Variants in CADPS observed in about 807,000 individuals in gnomAD.
CADPS encodes the protein calcium dependent secretion activator.
Under a neutral mutation model 167.3 loss-of-function variants are expected in CADPS, and 57 were observed. The ratio of observed to expected loss-of-function variants is 0.34; its 90% confidence interval spans 0.28 to 0.42. CADPS has a LOEUF of 0.42. CADPS is among the 20% of genes least tolerant of loss of function. CADPS has a pLI of 1.00. For missense variants in CADPS, 1,414 were observed against 1,738.1 expected (o/e 0.81, Z 3.32); for synonymous variants, 676 against 635.3 (o/e 1.06, Z -0.96).
intron 1 of CADPS, among the ~76,000 whole-genome samples, chr3:62,836,861 G>T (rs1054223354): frequency 1.3e-5 from 2 of 152,000 alleles, no homozygotes; most frequent in Admixed American, 1.3e-4. Flanking sequence ...TTTGATAAAA[G>T]AAAGAATCAG....
chr3:62,537,124 A>G (rs1197775681), intron 11 of CADPS, among the ~76,000 whole-genome samples: 1 of 152,188 alleles, frequency 6.6e-6, no homozygotes, highest in East Asian at 1.9e-4. Flanking sequence ...CCACCCTGCA[A>G]AATTAAAAAT....
In CADPS at chr3:62,403,151, G is replaced by C; in HGVS notation, c.3812C>G (p.Thr1271Ser). Residue 1271 changes from threonine (T) to serine (S), a missense_variant, in exon 29 of 30, where the codon ACC (threonine) becomes AGC (serine). This residue lies in a region of CADPS where 185 missense variants were observed against 251.5 expected (regional missense o/e 0.74). Coordinates refer to ENST00000383710, the MANE Select transcript of CADPS (RefSeq NM_003716.4). ...TAAGTCCATCCGGTCCGTCAACCAGGTGCAGATCACGTTCATGGAGCTGTT... is the reference window on the plus strand; with the variant it reads ...TAAGTCCATCCGGTCCGTCAACCAGCTGCAGATCACGTTCATGGAGCTGTT... ...WYNSSMNVIC[T>S]WLTDRMDLQL... 6.2e-7 allele frequency: 1 copy of C among 1,613,584 alleles called. No homozygotes were observed. The highest frequency in any genetic ancestry group is 1.1e-5 in the South Asian group (1 of 91,034).
intron 1 of CADPS, among the ~76,000 whole-genome samples, chr3:62,835,081 T>C (rs1304862491): frequency 6.6e-6 from 1 of 152,200 alleles, no homozygotes; most frequent in Non-Finnish European, 1.5e-5. Context: ...ATGGAAAATT[T>C]TCTAAATCTT....
chr3:62,496,068 CTTTTCTT>C (rs1262114212), intron 18 of CADPS, among the ~76,000 whole-genome samples: 2 of 145,298 alleles, frequency 1.4e-5, no homozygotes, highest in African/African-American at 5.3e-5. Context: ...TTTTTCTTTT[CTTTTCTT>C]TTTTTTTTTT....
chr3:62,780,139 C>T (rs2091281160), intron 1 of CADPS, among the ~76,000 whole-genome samples: 1 of 152,230 alleles, frequency 6.6e-6, no homozygotes, highest in East Asian at 1.9e-4. Context: ...TCCCAAAATG[C>T]TGGGATTACA....
In CADPS at chr3:62,753,924, C is replaced by G; in HGVS notation, c.556-151G>C. On this transcript the variant is annotated intron_variant, in intron 2 of 29. Transcript: ENST00000383710. This position sits in a 1 kb window ranked among gnomAD's most constrained non-coding sequence, Gnocchi z 4.6. Reference sequence around the variant, plus strand: ...CCTGCCCCACCACCTCCTGGCTGTGCAAACTCAGAGTAGTCTCTTACACAT... The same window carrying G: ...CCTGCCCCACCACCTCCTGGCTGTGGAAACTCAGAGTAGTCTCTTACACAT... The G allele has an allele frequency of 3.0e-6, 2 of 668,970 alleles. No individual in the cohort carries two copies. Among genetic ancestry groups the G allele is most frequent in the Non-Finnish European group, 5.1e-6 (2 of 389,492 alleles). The allele number at this position is 668,970 out of a possible 1,614,324, so 41.4% of individuals were successfully genotyped here.
intron 1 of CADPS, among the ~76,000 whole-genome samples, chr3:62,863,751 A>G (rs1246004223): frequency 6.6e-6 from 1 of 152,244 alleles, no homozygotes; most frequent in African/African-American, 2.4e-5. Context: ...AATGGTATCA[A>G]ACAACTTGCA....
chr3:62,685,387 TTGG>T (rs1277901034), intron 3 of CADPS, among the ~76,000 whole-genome samples: 2 of 151,844 alleles, frequency 1.3e-5, no homozygotes, highest in African/African-American at 4.8e-5. Flanking sequence ...ATGGAAGTGT[TTGG>T]TGAAGTATAA....
chr3:62,740,768 A>G (rs373740499), intron 3 of CADPS, among the ~76,000 whole-genome samples: 12 of 152,290 alleles, frequency 7.9e-5, no homozygotes, highest in African/African-American at 2.6e-4. Flanking sequence ...CTGAGTTCCT[A>G]TCATGTGATG....
chr3:62,725,748 T>A (rs994400882), intron 3 of CADPS, among the ~76,000 whole-genome samples: 1 of 151,900 alleles, frequency 6.6e-6, no homozygotes, highest in African/African-American at 2.4e-5. Context: ...AAAAATATGT[T>A]AGGTCTTGCT....
At chr3:62,531,478 T>C (rs1483557277) in intron 13 of CADPS, among the ~76,000 whole-genome samples, 1 of 152,204 alleles carries the variant, frequency 6.6e-6, no homozygotes, top group Non-Finnish European at 1.5e-5. Context: ...GCTCTAAATG[T>C]TGAAGTTGCA....
chr3:62,829,387 C>CCACA (rs1211694501), intron 1 of CADPS, among the ~76,000 whole-genome samples: 1 of 152,066 alleles, frequency 6.6e-6, no homozygotes, highest in Non-Finnish European at 1.5e-5. Context: ...CATGCAAATA[C>CCACA]TATGCCATTT....
intron 1 of CADPS, among the ~76,000 whole-genome samples, chr3:62,855,193 C>A (rs1329408440): frequency 1.3e-5 from 2 of 150,002 alleles, no homozygotes; most frequent in Non-Finnish European, 3.0e-5. Context: ...AATCTGCCCA[C>A]TTCGGCCTCC....
chr3:62,479,220 G>T (rs1006290562), intron 22 of CADPS, among the ~76,000 whole-genome samples: 1 of 152,248 alleles, frequency 6.6e-6, no homozygotes, highest in Non-Finnish European at 1.5e-5. Flanking sequence ...CTTTCTATAC[G>T]ATGACGTCTA....
chr3:62,806,361 TAAAAAA>T (rs11328861), intron 1 of CADPS, among the ~76,000 whole-genome samples: 1 of 138,028 alleles, frequency 7.2e-6, no homozygotes, highest in African/African-American at 2.7e-5. Flanking sequence ...CGTCTTTAGT[TAAAAAA>T]AAAAAAAAAA....
At chr3:62,644,445 C>G (rs192823325) in intron 6 of CADPS, among the ~76,000 whole-genome samples, 1 of 152,076 alleles carries the variant, frequency 6.6e-6, no homozygotes, top group Non-Finnish European at 1.5e-5. Flanking sequence ...TCCTGTGGAC[C>G]GCTGAAACAG....
intron 1 of CADPS, among the ~76,000 whole-genome samples, chr3:62,856,314 A>C (rs76724521): frequency 7.9e-5 from 12 of 152,138 alleles, no homozygotes; most frequent in Non-Finnish European, 1.2e-4. Context: ...GTATGTTGAA[A>C]ACTACAAAAA....
At chr3:62,748,300 T>C (rs520117) in intron 3 of CADPS, among the ~76,000 whole-genome samples, 126,139 of 141,756 alleles carry the variant, frequency 0.89, 56,170 homozygotes, top group Middle Eastern at 0.93. Flanking sequence ...GAGCCGAGAT[T>C]GCGCCACTGC....
intron 3 of CADPS, among the ~76,000 whole-genome samples, chr3:62,704,354 A>G (rs569374208): frequency 6.6e-6 from 1 of 152,240 alleles, no homozygotes; most frequent in East Asian, 1.9e-4. Context: ...CTGGTAAATT[A>G]TAGCTGTGAG....
Sources: allele counts gnomAD v4.1 joint callset (sites outside exome capture counted in the v4.1 genomes callset), GRCh38; gene constraint gnomAD v4.1.1; regional missense constraint gnomAD v4.1.1; non-coding constraint Gnocchi (gnomAD v3.1); transcripts MANE v1.5; gene names NCBI Gene and HGNC (gene_info 2026-07-23, HGNC 2026-07-21).